The following AMZ2 variants were observed in gnomAD, a reference collection of about 807,000 sequenced individuals.
The protein encoded by AMZ2 is archaelysin family metallopeptidase 2.
In AMZ2, 26 loss-of-function variants were observed where a neutral mutation model predicts 36.7. The ratio of observed to expected loss-of-function variants is 0.71; its 90% CI spans 0.52 to 0.98. The LOEUF is 0.98. Among genes scored for constraint, AMZ2 ranks in the 50% least tolerant of loss-of-function variants. The probability of loss-of-function intolerance (pLI) is 0.00; values close to 1 mark genes in which losing one functional copy is unlikely to be tolerated. For missense variants in AMZ2, 394 were observed against 430.5 expected, an observed-to-expected ratio of 0.92 and a Z score of 0.75; for synonymous variants, 144 against 149.1, an observed-to-expected ratio of 0.97 and a Z score of 0.25.
At chr17:68,217,193 T>G (rs1451846041) in intron 1 of AMZ2, among the ~76,000 whole-genome samples, 1 of 151,276 alleles carries the variant, frequency 6.6e-6, no homozygotes, top group Non-Finnish European at 1.5e-5. Flanking sequence ...GATAGTTACA[T>G]AAATGCAAAC....
intron 1 of AMZ2, among the ~76,000 whole-genome samples, chr17:68,242,690 G>A (rs571394086): frequency 6.6e-6 from 1 of 152,250 alleles, no homozygotes; most frequent in South Asian, 2.1e-4. Flanking sequence ...TGGGATTACA[G>A]GCATGAGCCA....
chr17:68,219,453 C>T (rs2073289724), intron 1 of AMZ2, among the ~76,000 whole-genome samples: 1 of 152,218 alleles, frequency 6.6e-6, no homozygotes, highest in South Asian at 2.1e-4. Context: ...GGGCTAGAAG[C>T]AGTTCTTTCT....
intron 1 of AMZ2, among the ~76,000 whole-genome samples, chr17:68,209,095 G>T (rs1599249756): frequency 6.6e-6 from 1 of 152,252 alleles, no homozygotes; most frequent in Middle Eastern, 3.4e-3. Context: ...ACTTGTCCGG[G>T]GAGGCTGTAT....
intron 1 of AMZ2, among the ~76,000 whole-genome samples, chr17:68,228,841 AAGC>A (rs1430807399): frequency 6.6e-6 from 1 of 152,220 alleles, no homozygotes; most frequent in East Asian, 1.9e-4. Flanking sequence ...CCACTGCCTC[AAGC>A]AGCCTACATC....
chr17:68,222,248 A>G (rs782757191), intron 1 of AMZ2, among the ~76,000 whole-genome samples: 15 of 152,346 alleles, frequency 9.8e-5, no homozygotes, highest in Non-Finnish European at 1.5e-4. Context: ...GGACATGCTC[A>G]GTCTGAGGTC....
At chr17:68,223,179 A>G (rs2073413325) in intron 1 of AMZ2, among the ~76,000 whole-genome samples, 1 of 152,162 alleles carries the variant, frequency 6.6e-6, no homozygotes, top group Non-Finnish European at 1.5e-5. Flanking sequence ...GTATGTTTGA[A>G]ACTTTCCATC....
intron 1 of AMZ2, among the ~76,000 whole-genome samples, chr17:68,233,360 T>G (rs558043566): frequency 6.6e-6 from 1 of 151,820 alleles, no homozygotes; most frequent in African/African-American, 2.4e-5. Flanking sequence ...AACGTAAAAA[T>G]TAGCTGGGCG....
chr17:68,251,299 G>GAC, intron 4 of AMZ2, 121 bp downstream of exon 4: 1 of 1,013,060 alleles, frequency 9.9e-7, no homozygotes, highest in Non-Finnish European at 1.4e-6. Context: ...TTTCAGTTGA[G>GAC]ACATTATGCC....
chr17:68,252,801 GGT>G (rs2074583880), intron 4 of AMZ2, among the ~76,000 whole-genome samples: 1 of 152,058 alleles, frequency 6.6e-6, no homozygotes, highest in African/African-American at 2.4e-5. Context: ...TTTGATTACA[GGT>G]GTGAGTCACC....
Position 68,235,739 on chromosome 17 carries a change from C to A in AMZ2, c.-66-12901C>A, listed in dbSNP as rs1442515293. ...GCAGCGTGTGCCACGTGTGACCCTG[C>A]TCTGCTGTGGCTTTTTGGTACGTGC... is the stretch of plus-strand genomic sequence containing the variant. On this transcript the variant is annotated intron_variant, in intron 1 of 7. Transcript: ENST00000674770. The surrounding 1 kb of genome is among the most constrained non-coding windows in gnomAD (Gnocchi z 4.2). Among the ~76,000 whole-genome samples, 1 of 152,194 alleles carries A rather than the reference C, an allele frequency of 6.6e-6. No homozygotes were observed. The highest frequency in any genetic ancestry group is 1.5e-5 in the Non-Finnish European group (1 of 68,030).
rs369126834 is a variant in AMZ2, at chr17:68,234,909, G to A, written c.-66-13731G>A. Among the ~76,000 whole-genome samples, 67 of 152,136 alleles carry A rather than the reference G, an allele frequency of 4.4e-4. 2 individuals carry two copies. Among genetic ancestry groups the A allele is most frequent in the South Asian group, 4.1e-4 (2 of 4,824 alleles). On this transcript the variant is annotated intron_variant, in intron 1 of 7. Coordinates refer to the AMZ2 transcript ENST00000674770. ...GGGTGCCTGTAATCCCAGCTACTCCGGAGGCTGAGGCAGGAGAATCGCTTG... is the reference window on the plus strand; with the variant it reads ...GGGTGCCTGTAATCCCAGCTACTCCAGAGGCTGAGGCAGGAGAATCGCTTG...
chr17:68,246,461 TG>T (rs1389426684), upstream of AMZ2, among the ~76,000 whole-genome samples: 1 of 152,158 alleles, frequency 6.6e-6, no homozygotes, highest in Non-Finnish European at 1.5e-5. Context: ...GTGAGGGTTT[TG>T]GGATTCAAGC....
chr17:68,251,386 A>C (rs1264010282), intron 4 of AMZ2: 5 of 498,490 alleles, frequency 1.0e-5, no homozygotes, highest in African/African-American at 1.0e-4. Flanking sequence ...AGGACCTTAA[A>C]GGTAACAATA....
intron 1 of AMZ2, among the ~76,000 whole-genome samples, chr17:68,241,040 G>A (rs181002827): frequency 5.8e-4 from 89 of 152,168 alleles, no homozygotes; most frequent in African/African-American, 2.1e-3. Context: ...TAAGAAACAG[G>A]GGATCCAACA....
At chr17:68,241,117 T>C (rs1555733893) in intron 1 of AMZ2, among the ~76,000 whole-genome samples, 1 of 151,940 alleles carries the variant, frequency 6.6e-6, no homozygotes, top group Non-Finnish European at 1.5e-5. Context: ...AGTATAGATA[T>C]GAATGGGGAG....
intron 1 of AMZ2, among the ~76,000 whole-genome samples, chr17:68,209,633 T>TATATATATATA (rs1555725395): frequency 1.5e-4 from 12 of 78,794 alleles, no homozygotes; most frequent in African/African-American, 5.5e-4. Context: ...TATATATATA[T>TATATATATATA]TTTTTTTTTT....
chr17:68,237,596 TG>T (rs2073817088), intron 1 of AMZ2, among the ~76,000 whole-genome samples: 1 of 152,124 alleles, frequency 6.6e-6, no homozygotes, highest in Admixed American at 6.5e-5. Context: ...CTGACTGCCT[TG>T]GAGAAGTGTA....
At chr17:68,218,775 T>A (rs1958106441) in intron 1 of AMZ2, among the ~76,000 whole-genome samples, 1 of 152,222 alleles carries the variant, frequency 6.6e-6, no homozygotes, top group African/African-American at 2.4e-5. Flanking sequence ...TGTTCTCATC[T>A]TAGTAAATGG....
At chr17:68,233,508 CAA>C (rs35601824) in intron 1 of AMZ2, among the ~76,000 whole-genome samples, 15 of 78,476 alleles carry the variant, frequency 1.9e-4, no homozygotes, top group African/African-American at 2.5e-4. Context: ...AACTATGTCT[CAA>C]AAAAAAAAAA....
Sources: gnomAD v4.1 joint callset for allele counts (sites outside exome capture counted in the v4.1 genomes callset) on GRCh38, gnomAD v4.1.1 for gene constraint, Gnocchi (gnomAD v3.1) non-coding constraint, MANE v1.5 for transcripts, NCBI Gene and HGNC (gene_info 2026-07-23, HGNC 2026-07-21) for gene names.